The following C4orf50 variants were observed in gnomAD, a reference collection of about 807,000 sequenced individuals.
The protein encoded by C4orf50 is chromosome 4 open reading frame 50, also known as uncharacterized protein C4orf50.
C4orf50 carries 80 observed loss-of-function variants against 77.2 expected under a neutral mutation model. That is an observed-to-expected ratio of 1.04 (90% CI 0.87 to 1.25). The LOEUF (loss-of-function observed/expected upper bound fraction) is 1.25. Among genes scored for constraint, C4orf50 ranks in the 50% most tolerant of loss-of-function variants. C4orf50 has a pLI of 0.00. For synonymous variants in C4orf50, 532 were observed against 465.3 expected (o/e 1.14, Z -1.84); for missense variants, 1,257 against 1,152.9 (o/e 1.09, Z -1.31).
At chr4:6,003,840 T>C (rs1721987440) in intron 25 of C4orf50, among the ~76,000 whole-genome samples, 1 of 29,708 alleles carries the variant, frequency 3.4e-5, no homozygotes, top group East Asian at 5.2e-3. Context: ...GATGATGTGA[T>C]AGTGATGATG....
intron 29 of C4orf50, among the ~76,000 whole-genome samples, chr4:5,977,455 T>G (rs1468827784): frequency 6.6e-6 from 1 of 152,252 alleles, no homozygotes; most frequent in Non-Finnish European, 1.5e-5. Flanking sequence ...TATGCAAGAT[T>G]TTAAAAGAAT....
chr4:5,920,827 G>A (rs529940063), intron 7 of C4orf50, among the ~76,000 whole-genome samples: 9 of 152,306 alleles, frequency 5.9e-5, no homozygotes, highest in African/African-American at 2.2e-4. Context: ...TAGAGCAAAC[G>A]CAAACAACTC....
chr4:5,943,800 C>T (rs1718368897), intron 7 of C4orf50, among the ~76,000 whole-genome samples: 1 of 152,210 alleles, frequency 6.6e-6, no homozygotes, highest in African/African-American at 2.4e-5. Flanking sequence ...ACTCAATTAG[C>T]AAGCACTGCC....
At chr4:5,960,288 C>T (rs1478847111) in intron 33 of C4orf50, among the ~76,000 whole-genome samples, 7 of 152,220 alleles carry the variant, frequency 4.6e-5, no homozygotes, top group Non-Finnish European at 1.0e-4. Flanking sequence ...CAACATCTCA[C>T]ACCTCTCAGG....
rs527985221 is a variant in C4orf50, at chr4:5,958,114, C to G, written c.*1261G>C. ...TAGCGGCTTTGGCCTTTCCCTTAAG[C>G]CCCTCCTCAGCCCCTTCCCAAAGAG... On this transcript the variant is annotated 3_prime_UTR_variant, in exon 34 of 34. Coordinates refer to ENST00000531445, the Ensembl canonical transcript of C4orf50. This position sits in a 1 kb window ranked among gnomAD's most constrained non-coding sequence, Gnocchi z 5.4. 5 of 152,422 alleles carry G rather than the reference C, an allele frequency of 3.3e-5. No homozygotes were observed. Among genetic ancestry groups the G allele is most frequent in the African/African-American group, 1.2e-4 (5 of 41,568 alleles). 9.4% of individuals were successfully genotyped at this position (152,422 alleles called of 1,614,324 possible).
chr4:5,996,611 G>C (rs1271323932), intron 25 of C4orf50, among the ~76,000 whole-genome samples: 9 of 152,122 alleles, frequency 5.9e-5, no homozygotes, highest in Non-Finnish European at 1.3e-4. Flanking sequence ...GCCTTCTTTG[G>C]CCTTCATCTC....
chr4:5,953,938 G>C (rs758489737), downstream of C4orf50, among the ~76,000 whole-genome samples: 1 of 152,256 alleles, frequency 6.6e-6, no homozygotes, highest in Non-Finnish European at 1.5e-5. Context: ...CCCAAGGAAA[G>C]AGTACGGCTG....
chr4:5,968,626 C>A (rs550365155), intron 31 of C4orf50, among the ~76,000 whole-genome samples: 1 of 152,332 alleles, frequency 6.6e-6, no homozygotes, highest in Admixed American at 6.5e-5. Context: ...GCTGTTAAAT[C>A]CTGCTTTCTG....
intron 33 of C4orf50, among the ~76,000 whole-genome samples, chr4:5,962,138 C>T (rs1031472898): frequency 1.8e-4 from 27 of 152,214 alleles, no homozygotes; most frequent in African/African-American, 6.5e-4. Flanking sequence ...GAGAAACAGC[C>T]TGATGGCCCC....
At chr4:5,979,044 T>C (rs944931400) in intron 29 of C4orf50, among the ~76,000 whole-genome samples, 6 of 152,240 alleles carry the variant, frequency 3.9e-5, no homozygotes, top group Non-Finnish European at 7.3e-5. Flanking sequence ...AATTGTAAAG[T>C]TGCTAACATT....
rs1716317985 is a variant in C4orf50 at position 5,900,954 on chromosome 4, T to A, written c.*2475-2766A>T. ...CTGTATGTCACCATGTGTGTCACCA[T>A]TTGTATGTCTTGCATTTGTTGCAGC... is the stretch of plus-strand genomic sequence containing the variant. On this transcript the variant is annotated intron_variant, in intron 7 of 7. Coordinates refer to the C4orf50 transcript ENST00000324058. This position sits in a 1 kb window ranked among gnomAD's most constrained non-coding sequence, Gnocchi z 4.3. 1 of 152,242 alleles carries A rather than the reference T, an allele frequency of 6.6e-6. No homozygotes were observed. Among genetic ancestry groups the A allele is most frequent in the Admixed American group, 6.5e-5 (1 of 15,288 alleles). The allele number at this position is 152,242 out of a possible 1,614,324, so 9.4% of individuals were successfully genotyped here. A position where few individuals can be genotyped will look rare whatever the true frequency, so the allele number is the denominator to read the frequency against.
chr4:5,973,644 T>C lies in C4orf50; in HGVS notation c.4104+15A>G, dbSNP rs781000682. The C allele has an allele frequency of 3.1e-6, 5 of 1,600,630 alleles. No homozygotes were observed. The highest frequency in any genetic ancestry group is 4.3e-6 in the Non-Finnish European group (5 of 1,170,796). ...CCCATAGGAAGCACAGACAGGGCCA[T>C]CTCTGGGACTCTACCTCTGGGACTC... is the stretch of plus-strand genomic sequence containing the variant. On this transcript the variant is annotated intron_variant, in intron 31 of 33. Coordinates refer to ENST00000531445, the Ensembl canonical transcript of C4orf50.
chr4:5,917,127 T>G (rs1278690392), intron 7 of C4orf50, among the ~76,000 whole-genome samples: 1 of 152,174 alleles, frequency 6.6e-6, no homozygotes, highest in Admixed American at 6.5e-5. Flanking sequence ...TTTGTATGAC[T>G]ACTGTATCCT....
chr4:5,988,512 A>G (rs1577970268), exon 28 of C4orf50: 1 of 1,539,402 alleles, frequency 6.5e-7, no homozygotes, highest in South Asian at 1.2e-5. Context: ...ATGGAGGGGG[A>G]GAATCAGCAC....
At chr4:5,969,984 C>A (rs1238628001) in intron 31 of C4orf50, among the ~76,000 whole-genome samples, 2 of 152,124 alleles carry the variant, frequency 1.3e-5, no homozygotes, top group Non-Finnish European at 2.9e-5. Flanking sequence ...TGCTGTGTCC[C>A]AGGTGAGCCC....
At position 6,018,391 on chromosome 4, in the gene C4orf50, C is replaced by G; in HGVS notation, c.41G>C (p.Ser14Thr). 1 of 399,026 alleles carries G rather than the reference C, an allele frequency of 2.5e-6. No individual in the cohort carries two copies. The highest frequency in any genetic ancestry group is 4.4e-6 in the Non-Finnish European group (1 of 226,074). The allele number at this position is 399,026 out of a possible 1,614,324, so 24.7% of individuals were successfully genotyped here. The change falls in exon 23 of 34, where the codon AGC (serine) becomes ACC (threonine). Residue 14 changes from serine to threonine, a missense_variant. Transcript: ENST00000531445. This position sits in a 1 kb window ranked among gnomAD's most constrained non-coding sequence, Gnocchi z 5.1. The stretch of plus-strand genomic sequence containing the variant: ...ACTGCTGGGGGCTCTGATGACGTAG[C>G]TGAAACTCTCCTCAGTCCGTCCCTT...
Position 5,962,732 on chromosome 4 carries a change from T to G in C4orf50, c.4275+2292A>C, listed in dbSNP as rs549562998. Among the ~76,000 whole-genome samples the G allele has an allele frequency of 6.7e-4, 102 of 152,358 alleles. 3 individuals are homozygous for G. The highest frequency in any genetic ancestry group is 6.8e-3 in the Middle Eastern group (2 of 294). On this transcript the variant is annotated intron_variant, in intron 33 of 33. Coordinates refer to ENST00000531445, the Ensembl canonical transcript of C4orf50. Reference sequence around the variant, plus strand: ...GCCTCATCTTTTCTCACAGGTTAAGTGGAGCTGATGCTGATATCTATTTGG... The same window carrying G: ...GCCTCATCTTTTCTCACAGGTTAAGGGGAGCTGATGCTGATATCTATTTGG...
downstream of C4orf50, among the ~76,000 whole-genome samples, chr4:5,953,490 G>A (rs1718816522): frequency 6.6e-6 from 1 of 152,196 alleles, no homozygotes; most frequent in African/African-American, 2.4e-5. Flanking sequence ...CCTAAAGGAG[G>A]ATCCAGGATG....
At chr4:5,920,079 T>A (rs1354700620) in intron 7 of C4orf50, among the ~76,000 whole-genome samples, 1 of 152,208 alleles carries the variant, frequency 6.6e-6, no homozygotes, top group Non-Finnish European at 1.5e-5. Context: ...ACACACTGTG[T>A]AGGTTATATG....
Sources: gnomAD v4.1 joint callset for allele counts (sites outside exome capture counted in the v4.1 genomes callset) on GRCh38, gnomAD v4.1.1 for gene constraint, Gnocchi (gnomAD v3.1) non-coding constraint, MANE v1.5 for transcripts, NCBI Gene and HGNC (gene_info 2026-07-23, HGNC 2026-07-21) for gene names.